The following CHD6 variants were observed in gnomAD, a reference collection of about 807,000 sequenced individuals.
CHD6 encodes the protein ATP-dependent chromatin remodeler CHD6.
In CHD6, 50 loss-of-function variants were observed where a neutral mutation model predicts 276.9. That is an observed-to-expected ratio of 0.18 (90% confidence interval 0.14 to 0.23). The LOEUF is 0.23. CHD6 is among the 10% of genes least tolerant of loss of function. The pLI is 1.00. For missense variants in CHD6, 2,564 were observed against 3,365.8 expected (o/e 0.76, Z 5.89); for synonymous variants, 1,173 against 1,229.3 (o/e 0.95, Z 0.96).
intron 1 of CHD6, among the ~76,000 whole-genome samples, chr20:41,566,622 A>G (rs2045358310): frequency 6.6e-6 from 1 of 152,180 alleles, no homozygotes; most frequent in Admixed American, 6.5e-5. Flanking sequence ...GCCAGCCTGT[A>G]GAATTACTCA....
intron 1 of CHD6, among the ~76,000 whole-genome samples, chr20:41,579,592 A>G (rs1226888930): frequency 6.6e-6 from 1 of 152,200 alleles, no homozygotes; most frequent in African/African-American, 2.4e-5. Context: ...TGGTCTCTAA[A>G]GACTATACGT....
At chr20:41,504,973 GT>G (rs920265744) in intron 5 of CHD6, among the ~76,000 whole-genome samples, 13 of 152,128 alleles carry the variant, frequency 8.5e-5, no homozygotes, top group Admixed American at 3.9e-4. Context: ...CGAGGGGGTG[GT>G]CCCTTTGATC....
chr20:41,412,110 C>T, intron 36 of CHD6, 34 bp downstream of exon 36: 1 of 1,612,228 alleles, frequency 6.2e-7, no homozygotes, highest in Non-Finnish European at 8.5e-7. Flanking sequence ...GGATGCTCCT[C>T]CTGGCCCCAC....
At chr20:41,555,874 T>C (rs945189461) in intron 1 of CHD6, among the ~76,000 whole-genome samples, 1 of 150,592 alleles carries the variant, frequency 6.6e-6, no homozygotes. Flanking sequence ...GGCTGCAATC[T>C]CGGTACTTTG....
intron 23 of CHD6, among the ~76,000 whole-genome samples, chr20:41,449,467 G>A (rs980098482): frequency 6.6e-6 from 1 of 152,162 alleles, no homozygotes; most frequent in Admixed American, 6.5e-5. Flanking sequence ...TCTGCAGCAT[G>A]AGAGAACAGA....
At chr20:41,437,029 T>C (rs1345389829) in intron 27 of CHD6, among the ~76,000 whole-genome samples, 3 of 152,336 alleles carry the variant, frequency 2.0e-5, no homozygotes, top group East Asian at 1.9e-4. Flanking sequence ...AAAAGGTATA[T>C]GCGATTTCTG....
rs375790183 is a variant in CHD6 at position 41,520,529 on chromosome 20, A to G, written c.555-5577T>C. On this transcript the variant is annotated intron_variant, in intron 3 of 36. Transcript: ENST00000373233. ...GTTCATGTTCTTTGTAGGGACATGG[A>G]TGAAGCTGGAAACCATCATTCTCAG... Among the ~76,000 whole-genome samples, 442 of 152,162 alleles carry G rather than the reference A, an allele frequency of 2.9e-3. 14 individuals are homozygous for G. The East Asian group carries it at 0.077, about 26-fold the overall frequency.
chr20:41,507,679 A>G (rs534037129), intron 5 of CHD6, among the ~76,000 whole-genome samples: 1 of 152,304 alleles, frequency 6.6e-6, no homozygotes, highest in South Asian at 2.1e-4. Context: ...TTCCATAACA[A>G]CCATCTGTTC....
At chr20:41,559,611 T>G (rs1166827048) in intron 1 of CHD6, among the ~76,000 whole-genome samples, 1 of 152,126 alleles carries the variant, frequency 6.6e-6, no homozygotes, top group Non-Finnish European at 1.5e-5. Flanking sequence ...ATCCTCCTAT[T>G]ATAAAACCCA....
chr20:41,541,941 C>T (rs551327325), intron 2 of CHD6, among the ~76,000 whole-genome samples: 40 of 152,260 alleles, frequency 2.6e-4, no homozygotes, highest in African/African-American at 9.6e-4. Context: ...ATGCCGTCAA[C>T]CTAATTCTTG....
At chr20:41,516,464 A>G (rs1212054786) in intron 3 of CHD6, among the ~76,000 whole-genome samples, 1 of 152,094 alleles carries the variant, frequency 6.6e-6, no homozygotes, top group Non-Finnish European at 1.5e-5. Flanking sequence ...GTGAGCCACC[A>G]CACCTGGCCA....
chr20:41,517,832 G>A (rs1196346511), intron 3 of CHD6, among the ~76,000 whole-genome samples: 20 of 152,196 alleles, frequency 1.3e-4, no homozygotes, highest in Admixed American at 9.8e-4. Context: ...AGAGGCTTAC[G>A]CTCAGGTCAG....
Position 41,441,657 on chromosome 20 carries a change from T to C in CHD6, c.3878-1528A>G, listed in dbSNP as rs371085899. Among the ~76,000 whole-genome samples, 15 of 152,172 alleles carry C rather than the reference T, an allele frequency of 9.9e-5. No homozygotes were observed. In the East Asian group the frequency reaches 2.5e-3, roughly 25 times the overall value. The stretch of plus-strand genomic sequence containing the variant: ...GACTTTCTCTTGTCATGTGTGGATC[T>C]GAAGCCTAGAGACAGATTCAGTATT... On this transcript the variant is annotated intron_variant, in intron 25 of 36. Coordinates refer to ENST00000373233, the MANE Select transcript of CHD6 (RefSeq NM_032221.5).
intron 36 of CHD6, 134 bp downstream of exon 36, chr20:41,412,010 G>A (rs1436415199): frequency 1.6e-6 from 2 of 1,280,682 alleles, no homozygotes; most frequent in Non-Finnish European, 2.1e-6. Context: ...AACTTCCTGT[G>A]CTGGCTTCTA....
Position 41,526,499 on chromosome 20 carries a change from T to C in CHD6, c.554+6551A>G, listed in dbSNP as rs1025002625. Among the ~76,000 whole-genome samples, 9 of 152,222 alleles carry C rather than the reference T, an allele frequency of 5.9e-5. 1 individual carries two copies. In the East Asian group the frequency reaches 1.2e-3, roughly 20 times the overall value. ...GAAAGGTAGTTGAGTTCTACTACTC[T>C]TCCTGCACCACACAGTTATCAGCTG... On this transcript the variant is annotated intron_variant, in intron 3 of 36. Transcript: ENST00000373233.
At chr20:41,509,275 G>T (rs556289728) in intron 5 of CHD6, among the ~76,000 whole-genome samples, 1 of 152,258 alleles carries the variant, frequency 6.6e-6, no homozygotes, top group South Asian at 2.1e-4. Flanking sequence ...CACTTCATCT[G>T]AATAGTTCCT....
intron 1 of CHD6, among the ~76,000 whole-genome samples, chr20:41,566,793 T>G (rs942671600): frequency 1.3e-5 from 2 of 152,128 alleles, no homozygotes; most frequent in Non-Finnish European, 2.9e-5. Context: ...AGGCTATGAG[T>G]GTACGTGAAC....
chr20:41,415,825 G>C (rs2046979309), intron 33 of CHD6, among the ~76,000 whole-genome samples, 187 bp from the exon 34 acceptor site: 1 of 152,220 alleles, frequency 6.6e-6, no homozygotes, highest in Non-Finnish European at 1.5e-5. Flanking sequence ...CAGTGGGTCT[G>C]AGGTAGAGCC....
At chr20:41,549,399 A>C (rs2045107874) in intron 2 of CHD6, among the ~76,000 whole-genome samples, 1 of 148,142 alleles carries the variant, frequency 6.8e-6, no homozygotes, top group South Asian at 2.2e-4. Context: ...AAGGACAAAA[A>C]ACCAAACACT....
Sources: gnomAD v4.1 joint callset for allele counts (sites outside exome capture counted in the v4.1 genomes callset) on GRCh38, gnomAD v4.1.1 for gene constraint, MANE v1.5 for transcripts, NCBI Gene and HGNC (gene_info 2026-07-23, HGNC 2026-07-21) for gene names.